Variants in KLRG1 observed in about 807,000 individuals in gnomAD.
KLRG1 encodes the protein killer cell lectin-like receptor subfamily G member 1.
Under a neutral mutation model 21.8 loss-of-function variants are expected in KLRG1, and 16 were observed. The ratio of observed to expected loss-of-function variants is 0.73; its 90% CI spans 0.50 to 1.11. KLRG1 has a LOEUF of 1.11. KLRG1 is among the 50% of genes most tolerant of loss of function. KLRG1 has a pLI of 0.00. For missense variants in KLRG1, 173 were observed against 218.3 expected (o/e 0.79, Z 1.31); for synonymous variants, 69 against 75.9 (o/e 0.91, Z 0.47).
At chr12:9,149,478 C>A in the KLRG1 span, 6 of 1,363,436 alleles carry the variant, frequency 4.4e-6, no homozygotes, top group South Asian at 2.7e-5. Context: ...GTAGGAAAAG[C>A]CTTGTAGAGA....
chr12:9,098,531 A>G, the KLRG1 span: 1 of 1,493,952 alleles, frequency 6.7e-7, no homozygotes, highest in East Asian at 2.5e-5. Context: ...ATCTTATCCT[A>G]CTTATCCAGT....
chr12:9,012,575 ACTT>A (rs960964973), downstream of KLRG1, among the ~76,000 whole-genome samples: 2 of 151,490 alleles, frequency 1.3e-5, no homozygotes, highest in Admixed American at 1.3e-4. Flanking sequence ...ATGGGGAGAG[ACTT>A]CTTCTGCTTG....
the KLRG1 span, chr12:9,166,249 T>G: frequency 4.3e-5 from 69 of 1,593,070 alleles, no homozygotes; most frequent in Non-Finnish European, 5.9e-5. Context: ...ATTCATTAAT[T>G]TCATGGTGCA....
chr12:9,194,082 C>A, the KLRG1 span: 1 of 1,612,534 alleles, frequency 6.2e-7, no homozygotes, highest in Non-Finnish European at 8.5e-7. Context: ...CTTACCCGGA[C>A]AAAAAGTTTA....
At chr12:9,076,771 C>T in the KLRG1 span, 1 of 1,613,790 alleles carries the variant, frequency 6.2e-7, no homozygotes, top group South Asian at 1.1e-5. Flanking sequence ...TTCACAGCTT[C>T]CTCATTAAGT....
chr12:9,210,449 T>C, the KLRG1 span, among the ~76,000 whole-genome samples: 1 of 152,194 alleles, frequency 6.6e-6, no homozygotes, highest in Non-Finnish European at 1.5e-5. Flanking sequence ...TACTAAAGGC[T>C]TTAAAATGTG....
the KLRG1 span, chr12:9,101,553 G>C: frequency 6.2e-7 from 1 of 1,613,944 alleles, no homozygotes; most frequent in Admixed American, 1.7e-5. Flanking sequence ...ATGAGACATG[G>C]GCTCAAGGTG....
chr12:9,080,047 T>C, the KLRG1 span: 3 of 1,218,210 alleles, frequency 2.5e-6, no homozygotes, highest in Non-Finnish European at 3.4e-6. Context: ...AAAAATAGTA[T>C]AATAGAAGCT....
At chr12:9,116,730 T>C in the KLRG1 span, among the ~76,000 whole-genome samples, 1 of 152,186 alleles carries the variant, frequency 6.6e-6, no homozygotes, top group African/African-American at 2.4e-5. Context: ...TGTAAGTATT[T>C]TTTGATCCTA....
At chr12:9,037,442 C>T in the KLRG1 span, among the ~76,000 whole-genome samples, 17 of 151,950 alleles carry the variant, frequency 1.1e-4, no homozygotes, top group Admixed American at 6.5e-5. Flanking sequence ...ATGCTGCAAC[C>T]GTGCAGTCAC....
the KLRG1 span, among the ~76,000 whole-genome samples, chr12:9,157,558 T>A: frequency 2.6e-5 from 4 of 152,194 alleles, no homozygotes; most frequent in Admixed American, 2.0e-4. Context: ...AGAGAACCTG[T>A]TTTTAGGATT....
chr12:9,173,591 A>C, the KLRG1 span, among the ~76,000 whole-genome samples: 1 of 152,150 alleles, frequency 6.6e-6, no homozygotes, highest in Non-Finnish European at 1.5e-5. Flanking sequence ...CTAGACTAAT[A>C]AAGAAGAAAA....
At chr12:9,192,847 T>C in the KLRG1 span, 2 of 702,350 alleles carry the variant, frequency 2.8e-6, no homozygotes, top group African/African-American at 3.5e-5. Flanking sequence ...AAATACACTA[T>C]GCCTCTCCCT....
At chr12:9,152,375 C>T in the KLRG1 span, 3 of 1,180,400 alleles carry the variant, frequency 2.5e-6, no homozygotes, top group East Asian at 7.0e-5. Flanking sequence ...TTTCTGCTTT[C>T]AAGCATCACT....
chr12:9,010,133 C>T lies in KLRG1; in HGVS notation c.*596C>T, dbSNP rs1014936965. On this transcript the variant is annotated 3_prime_UTR_variant, in exon 5 of 5. Coordinates refer to ENST00000356986, the MANE Select transcript of KLRG1 (RefSeq NM_005810.4). ...CCCAGGAGTTTGAGGCTGCAGTGAG[C>T]TATGATTGTGCCACTGTACTCCAGC... 11 of 802,254 alleles carry T rather than the reference C, an allele frequency of 1.4e-5. No homozygotes were observed. In the African/African-American group the frequency reaches 1.5e-4, roughly 11 times the overall value. The allele number at this position is 802,254 out of a possible 1,614,324, so 49.7% of individuals were successfully genotyped here.
the KLRG1 span, among the ~76,000 whole-genome samples, chr12:9,060,683 TC>T: frequency 1.3e-5 from 2 of 152,082 alleles, no homozygotes; most frequent in Non-Finnish European, 2.9e-5. Flanking sequence ...TCTGAGCACA[TC>T]CCCAAAAATA....
the KLRG1 span, chr12:9,202,302 A>G: frequency 1.9e-6 from 3 of 1,605,230 alleles, no homozygotes; most frequent in African/African-American, 2.7e-5. Flanking sequence ...CCCAAACCAC[A>G]GATAGTGGAT....
the KLRG1 span, chr12:9,095,413 G>T: frequency 3.4e-6 from 3 of 883,046 alleles, no homozygotes; most frequent in Non-Finnish European, 5.0e-6. Context: ...TAGTAGAGAA[G>T]CCACTTACCT....
the KLRG1 span, among the ~76,000 whole-genome samples, chr12:9,139,387 G>A: frequency 3.3e-5 from 5 of 152,162 alleles, no homozygotes; most frequent in East Asian, 1.9e-4. Context: ...CATGAGAAGA[G>A]TATGTATTCA....
Sources: gnomAD v4.1 joint callset for allele counts (sites outside exome capture counted in the v4.1 genomes callset) on GRCh38, gnomAD v4.1.1 for gene constraint, MANE v1.5 for transcripts, NCBI Gene and HGNC (gene_info 2026-07-23, HGNC 2026-07-21) for gene names.